SGCD: variants seen among roughly 807,000 people sequenced by gnomAD.
SGCD encodes sarcoglycan delta, also known as delta-sarcoglycan.
In SGCD, 18 loss-of-function variants were observed where a neutral mutation model predicts 36.6. The ratio of observed to expected loss-of-function variants is 0.49; its 90% CI spans 0.34 to 0.73. The LOEUF (loss-of-function observed/expected upper bound fraction) is 0.73, where lower values mean the gene tolerates loss of function less well. SGCD is among the 30% of genes least tolerant of loss of function. The pLI is 0.01. For synonymous variants in SGCD, 133 were observed against 130.6 expected, an observed-to-expected ratio of 1.02 and a Z score of -0.12; for missense variants, 387 against 346.7, an observed-to-expected ratio of 1.12 and a Z score of -0.92.
At chr5:156,407,785 T>C (rs1293243053) in intron 3 of SGCD, among the ~76,000 whole-genome samples, 1 of 151,112 alleles carries the variant, frequency 6.6e-6, no homozygotes, top group African/African-American at 2.4e-5. Flanking sequence ...ATTGTTATTA[T>C]ATCAGTGGTG....
intron 1 of SGCD, among the ~76,000 whole-genome samples, chr5:156,041,015 A>C (rs1303899848): frequency 6.6e-6 from 1 of 152,220 alleles, no homozygotes; most frequent in Non-Finnish European, 1.5e-5. Context: ...CTGAGGCATA[A>C]ACTGTGATGT....
chr5:156,540,865 G>A (rs1360050301), intron 4 of SGCD, among the ~76,000 whole-genome samples: 1 of 152,162 alleles, frequency 6.6e-6, no homozygotes, highest in Non-Finnish European at 1.5e-5. Flanking sequence ...TGGCCAGGGG[G>A]CTGAGGGCTA....
At chr5:155,770,906 G>A in the SGCD span, among the ~76,000 whole-genome samples, 1 of 152,008 alleles carries the variant, frequency 6.6e-6, no homozygotes, top group African/African-American at 2.4e-5. Context: ...CTCTGGTTTT[G>A]CTTTAAAAAA....
chr5:155,995,385 G>T (rs1758520691), intron 1 of SGCD, among the ~76,000 whole-genome samples: 1 of 152,048 alleles, frequency 6.6e-6, no homozygotes, highest in African/African-American at 2.4e-5. Context: ...AGAATAGGAG[G>T]TAAATAGAAT....
At chr5:156,187,072 C>A (rs1763778780) in intron 3 of SGCD, among the ~76,000 whole-genome samples, 1 of 151,930 alleles carries the variant, frequency 6.6e-6, no homozygotes, top group South Asian at 2.1e-4. Flanking sequence ...GGGAAAGGGG[C>A]AATGGGTAAA....
intron 6 of SGCD, among the ~76,000 whole-genome samples, chr5:156,636,568 G>A (rs1182180551): frequency 1.3e-5 from 2 of 152,202 alleles, no homozygotes; most frequent in East Asian, 3.9e-4. Flanking sequence ...AGGGAAACCA[G>A]GGAAGGCTTC....
At chr5:155,949,520 A>G (rs1042639948) in intron 1 of SGCD, among the ~76,000 whole-genome samples, 1 of 152,224 alleles carries the variant, frequency 6.6e-6, no homozygotes, top group African/African-American at 2.4e-5. Context: ...TGTAGCTAGT[A>G]TATGTTGGAG....
intron 6 of SGCD, among the ~76,000 whole-genome samples, chr5:156,612,385 G>A (rs1355173351): frequency 6.6e-6 from 1 of 152,238 alleles, no homozygotes; most frequent in Non-Finnish European, 1.5e-5. Context: ...GGCTACATGA[G>A]TTTGTGATGG....
intron 3 of SGCD, among the ~76,000 whole-genome samples, chr5:156,274,769 G>C (rs1029822497): frequency 6.6e-6 from 1 of 152,150 alleles, no homozygotes; most frequent in South Asian, 2.1e-4. Flanking sequence ...GCTCAGCCAT[G>C]CTCCTAGCTT....
chr5:156,238,743 A>G (rs1047052387), intron 3 of SGCD, among the ~76,000 whole-genome samples: 1 of 152,198 alleles, frequency 6.6e-6, no homozygotes, highest in African/African-American at 2.4e-5. Flanking sequence ...CAGAGTGCCA[A>G]TATCCCTAAT....
Position 156,759,426 on chromosome 5 carries a change from A to G in SGCD, c.*36A>G. 6.6e-7 allele frequency: 1 copy of G among 1,521,968 alleles called. No homozygotes were observed. The highest frequency in any genetic ancestry group is 8.9e-7 in the Non-Finnish European group (1 of 1,125,432). 94.3% of individuals were successfully genotyped at this position (1,521,968 alleles called of 1,614,324 possible). A position where few individuals can be genotyped will look rare whatever the true frequency, so the allele number is the denominator to read the frequency against. On this transcript the variant is annotated 3_prime_UTR_variant, in exon 9 of 9. Transcript: ENST00000337851. ...ATAGTGGACATTGTTGGCAGCATAA[A>G]GGCCTTTTTTGGCTTTAGACACTGG...
intron 1 of SGCD, among the ~76,000 whole-genome samples, chr5:156,029,948 C>T (rs958935536): frequency 1.1e-4 from 16 of 152,146 alleles, no homozygotes; most frequent in East Asian, 3.9e-4. Flanking sequence ...AGAAAGCCTT[C>T]GCCAAGCCCT....
intron 3 of SGCD, among the ~76,000 whole-genome samples, chr5:156,239,078 T>G (rs1338420967): frequency 1.3e-5 from 2 of 151,980 alleles, no homozygotes; most frequent in Non-Finnish European, 2.9e-5. Context: ...CTGGGTCCCG[T>G]GGCGCATCAG....
intron 1 of SGCD, among the ~76,000 whole-genome samples, chr5:155,984,303 A>T (rs765405392): frequency 2.0e-5 from 3 of 152,180 alleles, no homozygotes; most frequent in African/African-American, 7.2e-5. Flanking sequence ...CTTTCTATGC[A>T]TCTGTCAGTC....
chr5:155,981,766 G>A (rs1758234423), intron 1 of SGCD, among the ~76,000 whole-genome samples: 1 of 152,090 alleles, frequency 6.6e-6, no homozygotes, highest in South Asian at 2.1e-4. Context: ...CCATCCTGGG[G>A]GCCCTCCACA....
intron 6 of SGCD, among the ~76,000 whole-genome samples, chr5:156,618,963 C>G (rs1396478572): frequency 1.3e-5 from 2 of 151,470 alleles, no homozygotes; most frequent in African/African-American, 4.8e-5. Flanking sequence ...TGTCAGCTTT[C>G]TAGTTTGATT....
At chr5:156,351,000 T>C (rs1267887567) in intron 3 of SGCD, among the ~76,000 whole-genome samples, 1 of 152,156 alleles carries the variant, frequency 6.6e-6, no homozygotes, top group Non-Finnish European at 1.5e-5. Context: ...ATGATCTGGC[T>C]CTTCAACAGA....
the SGCD span, among the ~76,000 whole-genome samples, chr5:155,844,398 C>T: frequency 0.019 from 2,680 of 144,382 alleles, 85 homozygotes; most frequent in African/African-American, 0.064. Flanking sequence ...TGTTAATTGC[C>T]GCCAGAGGGT....
At chr5:156,466,390 A>G (rs999640990) in intron 3 of SGCD, among the ~76,000 whole-genome samples, 1 of 152,188 alleles carries the variant, frequency 6.6e-6, no homozygotes. Context: ...ACTACCTACT[A>G]GCTTAAAGAA....
Sources: allele counts gnomAD v4.1 joint callset (sites outside exome capture counted in the v4.1 genomes callset), GRCh38; gene constraint gnomAD v4.1.1; transcripts MANE v1.5; gene names NCBI Gene and HGNC (gene_info 2026-07-23, HGNC 2026-07-21).